RNF170: variants seen among roughly 807,000 people sequenced by gnomAD.
The protein encoded by RNF170 is E3 ubiquitin-protein ligase RNF170.
Under a neutral mutation model 32.7 loss-of-function variants are expected in RNF170, and 12 were observed. That is an observed-to-expected ratio of 0.37 (90% CI 0.24 to 0.60). RNF170 has a LOEUF of 0.60. Among genes scored for constraint, RNF170 ranks in the 20% least tolerant of loss-of-function variants. The pLI is 0.72. For missense variants in RNF170, 212 were observed against 311.2 expected (o/e 0.68, Z 2.40); for synonymous variants, 91 against 103.6 (o/e 0.88, Z 0.74).
intron 4 of RNF170, among the ~76,000 whole-genome samples, chr8:42,868,830 C>T (rs530266734): frequency 7.0e-5 from 10 of 142,386 alleles, no homozygotes; most frequent in South Asian, 2.2e-4. Context: ...CCAGTCTGGG[C>T]GACAAGGCGA....
intron 6 of RNF170, among the ~76,000 whole-genome samples, chr8:42,859,629 A>G (rs1803506541): frequency 6.6e-6 from 1 of 151,950 alleles, no homozygotes; most frequent in East Asian, 2.0e-4. Context: ...TGTCTCAAAC[A>G]ACAACAACAA....
chr8:42,878,184 C>G (rs1805102715), intron 2 of RNF170, among the ~76,000 whole-genome samples: 1 of 152,274 alleles, frequency 6.6e-6, no homozygotes, highest in Admixed American at 6.5e-5. Flanking sequence ...ATTAGGCCAA[C>G]TAATAAATAA....
chr8:42,863,642 A>G (rs1803835772), intron 5 of RNF170, among the ~76,000 whole-genome samples: 1 of 152,106 alleles, frequency 6.6e-6, no homozygotes, highest in Non-Finnish European at 1.5e-5. Flanking sequence ...GGGTTTCACC[A>G]TGTTGGCCAA....
At chr8:42,881,714 C>A (rs1563268887) in intron 2 of RNF170, among the ~76,000 whole-genome samples, 1 of 152,126 alleles carries the variant, frequency 6.6e-6, no homozygotes, top group East Asian at 1.9e-4. Flanking sequence ...GTGGGCAGAT[C>A]ACTTGAGCCC....
intron 1 of RNF170, among the ~76,000 whole-genome samples, chr8:42,892,044 A>G (rs1032821788): frequency 1.3e-5 from 2 of 152,210 alleles, no homozygotes; most frequent in African/African-American, 4.8e-5. Context: ...CCAGTCGCTC[A>G]GTTTCCTGAC....
In RNF170 at chr8:42,853,991, A is replaced by G. The variant is rs1803050836; in HGVS notation, c.*2168T>C. 1 of 1,287,054 alleles carries G rather than the reference A, an allele frequency of 7.8e-7. No homozygotes were observed. Among genetic ancestry groups the G allele is most frequent in the African/African-American group, 1.5e-5 (1 of 65,794 alleles). The allele number at this position is 1,287,054 out of a possible 1,614,324, so 79.7% of individuals were successfully genotyped here. A position where few individuals can be genotyped will look rare whatever the true frequency, so the allele number is the denominator to read the frequency against. ...TAAAATCCTGTCAAAAAATGACATC[A>G]CCATTCCCCCACACCAAATGTGTAA... On this transcript the variant is annotated 3_prime_UTR_variant, in exon 7 of 7. Transcript: ENST00000527424.
intron 5 of RNF170, 39 bp from the exon 6 acceptor site, chr8:42,861,894 C>A: frequency 1.3e-6 from 2 of 1,549,492 alleles, no homozygotes; most frequent in Non-Finnish European, 1.8e-6. Context: ...CAACTTTCTG[C>A]ATCATTATGT....
intron 5 of RNF170, among the ~76,000 whole-genome samples, chr8:42,864,297 C>T (rs751346173): frequency 1.3e-5 from 2 of 151,930 alleles, no homozygotes; most frequent in African/African-American, 4.8e-5. Flanking sequence ...GATGGAATCT[C>T]ATTTTGTTGC....
rs762040240 is a variant in RNF170, at chr8:42,896,473, G to T, written c.-8+11C>A. 4.4e-6 allele frequency: 2 copies of T among 453,784 alleles called. No homozygotes were observed. Among genetic ancestry groups the T allele is most frequent in the Non-Finnish European group, 8.8e-6 (2 of 226,620 alleles). 28.1% of individuals were successfully genotyped at this position (453,784 alleles called of 1,614,324 possible). ...GATAGGGTGGGCGTGGCCGCCGCGC[G>T]CCGGACGTACCTCTCCACCGCGAAG... On this transcript the variant is annotated intron_variant, in intron 1 of 6. Coordinates refer to ENST00000527424, the MANE Select transcript of RNF170 (RefSeq NM_030954.4).
intron 1 of RNF170, among the ~76,000 whole-genome samples, chr8:42,891,674 C>T (rs903022396): frequency 2.0e-5 from 3 of 152,312 alleles, no homozygotes; most frequent in Non-Finnish European, 2.9e-5. Context: ...TGTCCTTTCC[C>T]AGGTGGCCTG....
upstream of RNF170, chr8:42,896,861 G>T: frequency 3.4e-6 from 1 of 294,636 alleles, no homozygotes; most frequent in East Asian, 5.1e-5. Flanking sequence ...CGCTGGGGAG[G>T]AGCGGTGTGG....
Position 42,870,034 on chromosome 8 carries a change from C to G in RNF170, c.292G>C (p.Val98Leu), listed in dbSNP as rs754223830. Residue 98 changes from valine to leucine, a missense_variant, in exon 4 of 7, where the codon GTG (valine) becomes CTG (leucine). By Grantham distance (32) the Val-to-Leu change is conservative. Transcript: ENST00000527424. Reference sequence around the variant, plus strand: ...AAAAGATGTCCACAGTTGGTCTCCACCGGGAAGGAGGCTTGGTGCAGGCAG... The same window carrying G: ...AAAAGATGTCCACAGTTGGTCTCCAGCGGGAAGGAGGCTTGGTGCAGGCAG... ...PICLHQASFP[V>L]ETNCGHLFCG... The G allele has an allele frequency of 3.7e-6, 6 of 1,614,086 alleles. No homozygotes were observed. The Admixed American group carries it at 1.0e-4, about 27-fold the overall frequency.
chr8:42,865,761 A>G (rs909322065), intron 4 of RNF170, among the ~76,000 whole-genome samples: 1 of 152,202 alleles, frequency 6.6e-6, no homozygotes, highest in Non-Finnish European at 1.5e-5. Context: ...AGCTGGGTGG[A>G]TCACTTGAGA....
chr8:42,883,744 A>G (rs965870911), intron 2 of RNF170, among the ~76,000 whole-genome samples: 1 of 152,082 alleles, frequency 6.6e-6, no homozygotes, highest in Non-Finnish European at 1.5e-5. Flanking sequence ...ATATTTTTTA[A>G]AAAGTTTAAC....
At chr8:42,852,916 G>C (rs1279524586), downstream of RNF170, among the ~76,000 whole-genome samples, 2 of 151,358 alleles carry the variant, frequency 1.3e-5, no homozygotes, top group Non-Finnish European at 2.9e-5. Context: ...GGGAGTTTTA[G>C]ACCAGCCTGG....
At chr8:42,873,569 A>G (rs1484315186) in intron 3 of RNF170, among the ~76,000 whole-genome samples, 2 of 152,174 alleles carry the variant, frequency 1.3e-5, no homozygotes, top group Admixed American at 1.3e-4. Flanking sequence ...AAAAAACAAA[A>G]CAGCCACCTC....
Position 42,855,229 on chromosome 8 carries a change from CTTTTTTT to C in RNF170, c.*923_*929del. On this transcript the variant is annotated 3_prime_UTR_variant, in exon 7 of 7. Coordinates refer to ENST00000527424, the MANE Select transcript of RNF170 (RefSeq NM_030954.4). ...CTGACTGGAGATAAATGTTTTTCAT[CTTTTTTT>C]TTTTTTTTTTTGAGAGGGAGTCTCA... 3.4e-6 allele frequency: 4 copies of C among 1,173,928 alleles called. No individual in the cohort carries two copies. The highest frequency in any genetic ancestry group is 4.4e-6 in the Non-Finnish European group (4 of 906,766). The allele number at this position is 1,173,928 out of a possible 1,614,324, so 72.7% of individuals were successfully genotyped here. A position where few individuals can be genotyped will look rare whatever the true frequency, so the allele number is the denominator to read the frequency against.
intron 3 of RNF170, among the ~76,000 whole-genome samples, chr8:42,870,819 T>C (rs1021487198): frequency 1.3e-5 from 2 of 152,192 alleles, no homozygotes; most frequent in African/African-American, 4.8e-5. Context: ...GTGTTGCACA[T>C]ATGCAAGAAA....
downstream of RNF170, among the ~76,000 whole-genome samples, chr8:42,851,369 C>G (rs1054566051): frequency 1.3e-5 from 2 of 152,096 alleles, no homozygotes; most frequent in East Asian, 3.9e-4. Flanking sequence ...CCAGACCAGC[C>G]TGGCCAGGGT....
Sources: gnomAD v4.1 joint callset for allele counts (sites outside exome capture counted in the v4.1 genomes callset) on GRCh38, gnomAD v4.1.1 for gene constraint, MANE v1.5 for transcripts, NCBI Gene and HGNC (gene_info 2026-07-23, HGNC 2026-07-21) for gene names.